XKR9: variants seen among roughly 807,000 people sequenced by gnomAD.
The protein encoded by XKR9 is XK-related protein 9.
Under a neutral mutation model 32.0 loss-of-function variants are expected in XKR9, and 32 were observed. That is an observed-to-expected ratio of 1.00 (90% CI 0.76 to 1.34). The LOEUF is 1.34. Among genes scored for constraint, XKR9 ranks in the 40% most tolerant of loss-of-function variants. The pLI, the probability that XKR9 is intolerant of heterozygous loss-of-function variation, is 0.00. For synonymous variants in XKR9, 168 were observed against 143.4 expected (o/e 1.17, Z -1.22); for missense variants, 546 against 429.7 (o/e 1.27, Z -2.39).
chr8:70,722,274 T>C (rs1475422320), intron 4 of XKR9, among the ~76,000 whole-genome samples: 1 of 152,204 alleles, frequency 6.6e-6, no homozygotes, highest in Non-Finnish European at 1.5e-5. Flanking sequence ...TGTCTTTTAA[T>C]TGGAGCATTT....
At chr8:70,738,476 C>G (rs1452477803), downstream of XKR9, among the ~76,000 whole-genome samples, 2 of 149,078 alleles carry the variant, frequency 1.3e-5, no homozygotes, top group South Asian at 2.1e-4. Flanking sequence ...TCCTTCAGTT[C>G]TGGTCTGATT....
At chr8:70,803,409 A>C in the XKR9 span, among the ~76,000 whole-genome samples, 12 of 152,104 alleles carry the variant, frequency 7.9e-5, no homozygotes, top group African/African-American at 9.7e-5. Context: ...GATGACCTTC[A>C]TTCCTATTCA....
chr8:70,828,730 G>GAAAAAAAAAAAAAAAAAAAAAA, the XKR9 span, among the ~76,000 whole-genome samples: 1 of 119,526 alleles, frequency 8.4e-6, no homozygotes, highest in Non-Finnish European at 1.7e-5. Context: ...CAAAAAAAAA[G>GAAAAAAAAAAAAAAAAAAAAAA]AAAAAAAAAA....
chr8:70,874,741 A>G, the XKR9 span, among the ~76,000 whole-genome samples: 1 of 152,220 alleles, frequency 6.6e-6, no homozygotes, highest in Non-Finnish European at 1.5e-5. Context: ...TGTAATGTCA[A>G]TAAGATTATT....
the XKR9 span, among the ~76,000 whole-genome samples, chr8:70,920,877 GC>G: frequency 1.4e-4 from 22 of 152,072 alleles, no homozygotes; most frequent in Middle Eastern, 3.4e-3. Flanking sequence ...TGAATATTAA[GC>G]AAGAATCATT....
the XKR9 span, among the ~76,000 whole-genome samples, chr8:70,987,797 C>T: frequency 6.6e-6 from 1 of 152,198 alleles, no homozygotes; most frequent in South Asian, 2.1e-4. Context: ...CTAGCAGAAG[C>T]TCTCCATGAG....
chr8:70,775,718 TG>T (rs1471076105), intron 2 of XKR9, among the ~76,000 whole-genome samples: 1 of 151,752 alleles, frequency 6.6e-6, no homozygotes, highest in African/African-American at 2.4e-5. Flanking sequence ...TAAAGATTTT[TG>T]CCTCTGCGTA....
the XKR9 span, among the ~76,000 whole-genome samples, chr8:71,017,362 C>T: frequency 3.9e-5 from 6 of 152,112 alleles, no homozygotes; most frequent in Non-Finnish European, 8.8e-5. Context: ...CTTGCTATGA[C>T]GTTCTGCTTA....
At chr8:70,900,113 T>A in the XKR9 span, among the ~76,000 whole-genome samples, 3 of 149,718 alleles carry the variant, frequency 2.0e-5, no homozygotes, top group Non-Finnish European at 4.5e-5. Context: ...AAAAAAAAAA[T>A]TAGTCTTTTT....
At chr8:70,849,709 G>A in the XKR9 span, among the ~76,000 whole-genome samples, 1 of 151,666 alleles carries the variant, frequency 6.6e-6, no homozygotes, top group Non-Finnish European at 1.5e-5. Context: ...TGACAAAATA[G>A]ATAGACCACT....
intron 3 of XKR9, among the ~76,000 whole-genome samples, chr8:70,694,960 C>T (rs72667731): frequency 4.6e-5 from 7 of 152,148 alleles, no homozygotes; most frequent in Non-Finnish European, 7.4e-5. Context: ...GACTGAAGAC[C>T]GAAGGCCCTG....
the XKR9 span, among the ~76,000 whole-genome samples, chr8:70,960,375 A>G: frequency 1.1e-4 from 17 of 152,294 alleles, no homozygotes; most frequent in African/African-American, 3.8e-4. Flanking sequence ...CCATTTTTCC[A>G]TCATCCATTT....
At chr8:70,787,563 T>C (rs1807704585) in intron 2 of XKR9, among the ~76,000 whole-genome samples, 2 of 152,058 alleles carry the variant, frequency 1.3e-5, no homozygotes, top group Non-Finnish European at 2.9e-5. Flanking sequence ...TCCACCAGAA[T>C]AAAATGAGAA....
the XKR9 span, among the ~76,000 whole-genome samples, chr8:70,813,128 A>G: frequency 1.2e-4 from 18 of 152,186 alleles, no homozygotes; most frequent in African/African-American, 3.1e-4. Flanking sequence ...GAGCCCTCAG[A>G]AATAATGCCG....
At chr8:70,873,322 A>G in the XKR9 span, among the ~76,000 whole-genome samples, 5 of 152,218 alleles carry the variant, frequency 3.3e-5, no homozygotes, top group African/African-American at 1.2e-4. Flanking sequence ...GATTTAAGTA[A>G]TACATTTAAT....
At chr8:70,743,643 C>T (rs1807018590) in intron 2 of XKR9, among the ~76,000 whole-genome samples, 1 of 152,110 alleles carries the variant, frequency 6.6e-6, no homozygotes, top group Non-Finnish European at 1.5e-5. Context: ...GCATAGTTCA[C>T]GGTCAGCCTA....
the XKR9 span, among the ~76,000 whole-genome samples, chr8:70,858,046 A>G: frequency 6.6e-6 from 1 of 152,190 alleles, no homozygotes; most frequent in Non-Finnish European, 1.5e-5. Flanking sequence ...TTCCCTTTGA[A>G]AACTGGCACA....
chr8:70,808,801 C>G, the XKR9 span, among the ~76,000 whole-genome samples: 7 of 152,258 alleles, frequency 4.6e-5, no homozygotes, highest in Non-Finnish European at 8.8e-5. Flanking sequence ...GGCCAGGAAG[C>G]TTGAACTGGG....
intron 2 of XKR9, among the ~76,000 whole-genome samples, chr8:70,774,891 A>T (rs1807498729): frequency 6.6e-6 from 1 of 152,166 alleles, no homozygotes; most frequent in East Asian, 1.9e-4. Context: ...TATAAATATT[A>T]TAATCAAGTT....
Sources: gnomAD v4.1 joint callset for allele counts (sites outside exome capture counted in the v4.1 genomes callset) on GRCh38, gnomAD v4.1.1 for gene constraint, MANE v1.5 for transcripts, NCBI Gene and HGNC (gene_info 2026-07-23, HGNC 2026-07-21) for gene names.